Variants in MCPH1 observed in about 807,000 individuals in gnomAD.
MCPH1 encodes the protein microcephalin.
Under a neutral mutation model 84.5 loss-of-function variants are expected in MCPH1, and 104 were observed. The ratio of observed to expected loss-of-function variants is 1.23; its 90% confidence interval spans 1.05 to 1.45. MCPH1 has a LOEUF of 1.45. Ranked by LOEUF, MCPH1 falls within the 40% of genes most tolerant of loss-of-function variation. The pLI, the probability that MCPH1 is intolerant of heterozygous loss-of-function variation, is 0.00. For missense variants in MCPH1, 1,498 were observed against 1,005.7 expected, an observed-to-expected ratio of 1.49 and a Z score of -6.62; for synonymous variants, 514 against 366.8, an observed-to-expected ratio of 1.40 and a Z score of -4.58.
At chr8:6,479,402 C>CTATTTATTTATT (rs149984870) in intron 10 of MCPH1, among the ~76,000 whole-genome samples, 133 of 140,312 alleles carry the variant, frequency 9.5e-4, no homozygotes, top group African/African-American at 2.9e-3. Flanking sequence ...ATTTCTTTTT[C>CTATTTATTTATT]TATTTATTTA....
At chr8:6,607,547 A>G (rs1252421082) in intron 12 of MCPH1, among the ~76,000 whole-genome samples, 1 of 152,168 alleles carries the variant, frequency 6.6e-6, no homozygotes, top group African/African-American at 2.4e-5. Flanking sequence ...CCCTACTGAT[A>G]TGGTTTGGCT....
chr8:6,642,334 T>C (rs1034100058), intron 13 of MCPH1, among the ~76,000 whole-genome samples: 5 of 152,172 alleles, frequency 3.3e-5, no homozygotes, highest in Non-Finnish European at 5.9e-5. Flanking sequence ...AGGGGTTGTT[T>C]CCGCCAGCTG....
intron 12 of MCPH1, chr8:6,562,572 G>GTTTTTAAAAAA: frequency 2.3e-5 from 1 of 42,832 alleles, no homozygotes. Flanking sequence ...TTTTTTTTTT[G>GTTTTTAAAAAA]GTTGTTAAAA....
Position 6,455,215 on chromosome 8 carries a change from C to G in MCPH1, c.1898C>G (p.Pro633Arg). 1.2e-6 allele frequency: 2 copies of G among 1,613,858 alleles called. No homozygotes were observed. The highest frequency in any genetic ancestry group is 1.7e-6 in the Non-Finnish European group (2 of 1,179,852). Reference protein sequence around the residue: ...SCDGFKDLIKPHEELKKSGRG... With the variant: ...SCDGFKDLIKRHEELKKSGRG... ...GACGGCTTTAAGGACCTCATCAAAC[C>G]TCATGAGGAATTGAAGAAAAGTGGG... Residue 633 changes from proline (P) to arginine (R), a missense_variant, in exon 9 of 14, where the codon CCT (proline) becomes CGT (arginine). Coordinates refer to ENST00000344683, the MANE Select transcript of MCPH1 (RefSeq NM_024596.5).
intron 12 of MCPH1, among the ~76,000 whole-genome samples, chr8:6,519,591 T>C (rs1289567838): frequency 1.3e-5 from 2 of 152,230 alleles, no homozygotes; most frequent in African/African-American, 4.8e-5. Context: ...GTATGCATTA[T>C]TCAAGCAAAA....
intron 8 of MCPH1, among the ~76,000 whole-genome samples, chr8:6,449,971 C>T (rs7842752): frequency 0.011 from 1,583 of 145,992 alleles, 27 homozygotes; most frequent in African/African-American, 0.038. Context: ...CTATAGGTGC[C>T]GTGTGTTCAC....
At chr8:6,638,743 G>C (rs1231544305) in intron 13 of MCPH1, among the ~76,000 whole-genome samples, 1 of 152,136 alleles carries the variant, frequency 6.6e-6, no homozygotes, top group Non-Finnish European at 1.5e-5. Flanking sequence ...TTCCTATGAA[G>C]TGACATTGGA....
chr8:6,509,033 G>C (rs1814378366), intron 12 of MCPH1: 3 of 1,613,992 alleles, frequency 1.9e-6, no homozygotes, highest in Non-Finnish European at 2.5e-6. Context: ...TATTTTGCCG[G>C]CTGTCCCTGT....
At chr8:6,565,109 A>G (rs1350400516) in intron 12 of MCPH1, among the ~76,000 whole-genome samples, 1 of 152,214 alleles carries the variant, frequency 6.6e-6, no homozygotes, top group Admixed American at 6.5e-5. Context: ...CCTGTGTTAG[A>G]ACCCTGCTTC....
chr8:6,524,748 G>C (rs1331878271), intron 12 of MCPH1, among the ~76,000 whole-genome samples: 1 of 152,208 alleles, frequency 6.6e-6, no homozygotes, highest in African/African-American at 2.4e-5. Flanking sequence ...CTCCCTTGAG[G>C]AAAAACTACC....
At chr8:6,415,188 T>C (rs1440066986) in intron 3 of MCPH1, among the ~76,000 whole-genome samples, 2 of 152,168 alleles carry the variant, frequency 1.3e-5, no homozygotes, top group East Asian at 3.9e-4. Flanking sequence ...CAAGCGCTGC[T>C]GTAACAAAGG....
intron 12 of MCPH1, among the ~76,000 whole-genome samples, chr8:6,597,564 G>A (rs1397961208): frequency 6.6e-6 from 1 of 152,120 alleles, no homozygotes; most frequent in Admixed American, 6.5e-5. Context: ...TCACCAGCTC[G>A]GCCAAGAGTT....
At chr8:6,569,367 G>C (rs1488872423) in intron 12 of MCPH1, among the ~76,000 whole-genome samples, 7 of 152,182 alleles carry the variant, frequency 4.6e-5, no homozygotes, top group African/African-American at 1.7e-4. Context: ...CACAAATGCA[G>C]TCTAGAGCCA....
At chr8:6,500,277 A>G (rs1233368906) in intron 12 of MCPH1, 2 of 253,036 alleles carry the variant, frequency 7.9e-6, no homozygotes, top group Non-Finnish European at 1.6e-5. Context: ...ACTGATAGGT[A>G]TAAAGATTAT....
chr8:6,472,771 G>T (rs1279014976), intron 9 of MCPH1, among the ~76,000 whole-genome samples: 1 of 152,268 alleles, frequency 6.6e-6, no homozygotes, highest in East Asian at 1.9e-4. Flanking sequence ...TCCAGCCTCA[G>T]ACAGTTTTAA....
At chr8:6,494,416 G>C (rs572137690) in intron 11 of MCPH1, 143 of 152,358 alleles carry the variant, frequency 9.4e-4, no homozygotes, top group African/African-American at 3.2e-3. Context: ...GGATAAGGCA[G>C]TGGATTTCAC....
At position 6,480,778 on chromosome 8, in the gene MCPH1, T is replaced by G; in HGVS notation, c.2038T>G (p.Cys680Gly). Residue 680 changes from cysteine (C) to glycine (G), a missense_variant, in exon 11 of 14, where the codon TGT becomes GGT. Transcript: ENST00000344683. ...LKGFSIAPDV[C>G]ETTTHVLSGK... ...AGGCTTTTCAATTGCACCAGACGTC[T>G]GTGAGACCACGACTCACGTGCTTTC... 6.2e-7 allele frequency: 1 copy of G among 1,614,216 alleles called. No individual in the cohort carries two copies. The highest frequency in any genetic ancestry group is 8.5e-7 in the Non-Finnish European group (1 of 1,180,036).
Position 6,644,941 on chromosome 8 carries a change from A to G in MCPH1, c.*1892A>G, listed in dbSNP as rs1013275061. Reference sequence around the variant, plus strand: ...TTAAAATAATGTATACACCTAAATCATCCCCTTATGATACTCATCCTCTAA... The same window carrying G: ...TTAAAATAATGTATACACCTAAATCGTCCCCTTATGATACTCATCCTCTAA... On this transcript the variant is annotated 3_prime_UTR_variant, in exon 14 of 14. Transcript: ENST00000344683. The G allele has an allele frequency of 1.1e-4, 16 of 152,300 alleles. No homozygotes were observed. The highest frequency in any genetic ancestry group is 2.9e-4 in the African/African-American group (12 of 41,562). The allele number at this position is 152,300 out of a possible 1,614,324, so 9.4% of individuals were successfully genotyped here. A position where few individuals can be genotyped will look rare whatever the true frequency, so the allele number is the denominator to read the frequency against.
At chr8:6,592,926 C>G (rs754961372) in intron 12 of MCPH1, among the ~76,000 whole-genome samples, 7 of 151,476 alleles carry the variant, frequency 4.6e-5, no homozygotes, top group Non-Finnish European at 7.4e-5. Context: ...CTTGTCCTCC[C>G]AAAGTGCTGG....
Sources: allele counts gnomAD v4.1 joint callset (sites outside exome capture counted in the v4.1 genomes callset), GRCh38; gene constraint gnomAD v4.1.1; transcripts MANE v1.5; gene names NCBI Gene and HGNC (gene_info 2026-07-23, HGNC 2026-07-21).